The following ITPKB variants were observed in gnomAD, a reference collection of about 807,000 sequenced individuals.
ITPKB encodes inositol-trisphosphate 3-kinase B, also known as IP3 3-kinase B.
Under a neutral mutation model 69.4 loss-of-function variants are expected in ITPKB, and 13 were observed. That is an observed-to-expected ratio of 0.19 (90% confidence interval 0.12 to 0.30). ITPKB has a LOEUF of 0.30. Ranked by LOEUF, ITPKB falls within the 10% of genes least tolerant of loss-of-function variation. The pLI is 1.00. For missense variants in ITPKB, 1,240 were observed against 1,250.5 expected (o/e 0.99, Z 0.13); for synonymous variants, 584 against 513.7 (o/e 1.14, Z -1.85).
intron 2 of ITPKB, among the ~76,000 whole-genome samples, chr1:226,653,669 G>A (rs752819216): frequency 3.9e-5 from 6 of 152,236 alleles, no homozygotes; most frequent in Non-Finnish European, 7.3e-5. Context: ...GGAAAGGAAA[G>A]CACCACAACG....
chr1:226,642,633 G>C lies in ITPKB; in HGVS notation c.2247-508C>G, dbSNP rs1290011270. Among the ~76,000 whole-genome samples the C allele has an allele frequency of 6.6e-6, 1 of 152,070 alleles. No individual in the cohort carries two copies. Among genetic ancestry groups the C allele is most frequent in the Admixed American group, 6.5e-5 (1 of 15,272 alleles). On this transcript the variant is annotated intron_variant, in intron 4 of 7. Coordinates refer to ENST00000429204, the MANE Select transcript of ITPKB (RefSeq NM_002221.4). This position sits in a 1 kb window ranked among gnomAD's most constrained non-coding sequence, Gnocchi z 6.4. ...AAGGAAGACGGAGGCAGGGCAGCAG[G>C]GGGTGTCGGGGGTGGCTGGTCCTGA...
intron 2 of ITPKB, among the ~76,000 whole-genome samples, chr1:226,705,688 C>T (rs1207165691): frequency 6.6e-6 from 1 of 152,198 alleles, no homozygotes; most frequent in East Asian, 1.9e-4. Flanking sequence ...TGACTGCCTC[C>T]ACCCCATTCC....
intron 2 of ITPKB, among the ~76,000 whole-genome samples, chr1:226,699,684 G>A (rs1404022438): frequency 6.6e-6 from 1 of 151,836 alleles, no homozygotes; most frequent in Non-Finnish European, 1.5e-5. Flanking sequence ...CCCTTTCTGG[G>A]ATATTCTTCA....
chr1:226,659,906 G>C (rs1175592459), intron 2 of ITPKB, among the ~76,000 whole-genome samples: 2 of 152,204 alleles, frequency 1.3e-5, no homozygotes, highest in Non-Finnish European at 2.9e-5. Flanking sequence ...GCTGATAAGA[G>C]GACCCTGCGG....
At position 226,651,283 on chromosome 1, in the gene ITPKB, G is replaced by A. The variant is rs1274578416; in HGVS notation, c.1933-2512C>T. On this transcript the variant is annotated intron_variant, in intron 2 of 7. Transcript: ENST00000429204. ...TGAGCAGGCGAGGCCTCGGGAGAGC[G>A]TGGGGCGTTGAGGCAGGCCAACCTG... Among the ~76,000 whole-genome samples the A allele has an allele frequency of 2.6e-5, 4 of 152,248 alleles. No individual in the cohort carries two copies. In the East Asian group the frequency reaches 5.8e-4, roughly 22 times the overall value.
chr1:226,676,086 G>A (rs1346987208), intron 2 of ITPKB: 1 of 152,160 alleles, frequency 6.6e-6, no homozygotes, highest in Admixed American at 6.5e-5. Context: ...TTGCCTGCTT[G>A]GAGGCTCAGA....
chr1:226,697,952 T>A (rs1283325527), intron 2 of ITPKB, among the ~76,000 whole-genome samples: 1 of 152,052 alleles, frequency 6.6e-6, no homozygotes, highest in African/African-American at 2.4e-5. Flanking sequence ...GCCACTCAAC[T>A]CAGAGGCAGA....
At chr1:226,647,064 C>T (rs1669076876) in intron 4 of ITPKB, 103 bp downstream of exon 4, 2 of 983,580 alleles carry the variant, frequency 2.0e-6, no homozygotes, top group Middle Eastern at 2.1e-4. Flanking sequence ...TCAGCCTGCC[C>T]TTGCACCTGT....
In ITPKB at chr1:226,706,635, A is replaced by G. The variant is rs1397046415; in HGVS notation, c.1932+28892T>C. The stretch of plus-strand genomic sequence containing the variant: ...TTGGTCCAGCTCTTGGATTTCACAG[A>G]TAAGACCCAGAAAACTCAGTTGAGT... On this transcript the variant is annotated intron_variant, in intron 2 of 7. Coordinates refer to ENST00000429204, the MANE Select transcript of ITPKB (RefSeq NM_002221.4). Among the ~76,000 whole-genome samples, 3 of 152,342 alleles carry G rather than the reference A, an allele frequency of 2.0e-5. No homozygotes were observed. In the East Asian group the frequency reaches 5.8e-4, roughly 29 times the overall value.
intron 2 of ITPKB, among the ~76,000 whole-genome samples, chr1:226,684,606 A>G (rs1656159332): frequency 6.6e-6 from 1 of 151,582 alleles, no homozygotes; most frequent in South Asian, 2.1e-4. Context: ...TCCTTTCCAC[A>G]ATAGAGAACA....
In ITPKB at chr1:226,634,398, G is replaced by GA. The variant is rs763813438; in HGVS notation, c.*272dup. On this transcript the variant is annotated 3_prime_UTR_variant, in exon 8 of 8. Coordinates refer to ENST00000429204, the MANE Select transcript of ITPKB (RefSeq NM_002221.4). The surrounding 1 kb of genome is among the most constrained non-coding windows in gnomAD (Gnocchi z 6.3). ...TGGTAGGGTCCCCTCAGCAGCCAGG[G>GA]ACCCCCTCCAGCTCTACACCTGACC... is the stretch of plus-strand genomic sequence containing the variant. 5.9e-4 allele frequency: 262 copies of GA among 441,804 alleles called. No homozygotes were observed. Among genetic ancestry groups the GA allele is most frequent in the Non-Finnish European group, 8.8e-4 (214 of 243,840 alleles). The allele number at this position is 441,804 out of a possible 1,614,324, so 27.4% of individuals were successfully genotyped here.
At chr1:226,655,130 G>A (rs1332503042) in intron 2 of ITPKB, among the ~76,000 whole-genome samples, 1 of 151,308 alleles carries the variant, frequency 6.6e-6, no homozygotes, top group Non-Finnish European at 1.5e-5. Context: ...GGAGGGGAAG[G>A]AGAGACCCAG....
At chr1:226,729,388 G>A (rs1408943984) in intron 2 of ITPKB, among the ~76,000 whole-genome samples, 3 of 150,850 alleles carry the variant, frequency 2.0e-5, no homozygotes, top group Non-Finnish European at 3.0e-5. Context: ...AGGCTGAGGC[G>A]GGAGAATTGC....
intron 2 of ITPKB, among the ~76,000 whole-genome samples, chr1:226,730,812 G>C (rs779130131): frequency 1.3e-5 from 2 of 152,152 alleles, no homozygotes; most frequent in Non-Finnish European, 2.9e-5. Context: ...ATCTAATCTG[G>C]AACTGCATTT....
In ITPKB at chr1:226,648,786, AC is replaced by A; in HGVS notation, c.1933-16del. 1 of 1,525,158 alleles carries A rather than the reference AC, an allele frequency of 6.6e-7. No homozygotes were observed. The highest frequency in any genetic ancestry group is 9.1e-7 in the Non-Finnish European group (1 of 1,098,826). 94.5% of individuals were successfully genotyped at this position (1,525,158 alleles called of 1,614,324 possible). ...CATGATTTGCTCTAGAAACAAACAAACAAAAAGCTCTACATTAGAAAGACAA... is the reference window on the plus strand; with the variant it reads ...CATGATTTGCTCTAGAAACAAACAAAAAAAAGCTCTACATTAGAAAGACAA... On this transcript the variant is annotated splice_polypyrimidine_tract_variant and intron_variant, in intron 2 of 7. Transcript: ENST00000429204.
chr1:226,661,248 C>T (rs567071922), intron 2 of ITPKB, among the ~76,000 whole-genome samples: 57 of 152,290 alleles, frequency 3.7e-4, no homozygotes, highest in Admixed American at 3.7e-3. Flanking sequence ...GGAGCGCAGC[C>T]CATAGCATGC....
intron 2 of ITPKB, among the ~76,000 whole-genome samples, chr1:226,655,380 C>T (rs900725482): frequency 2.0e-5 from 3 of 152,034 alleles, no homozygotes; most frequent in Non-Finnish European, 2.9e-5. Context: ...GAGGAAATGG[C>T]CCCCGTTAGG....
intron 2 of ITPKB, among the ~76,000 whole-genome samples, chr1:226,728,062 T>C (rs1470496629): frequency 6.6e-6 from 1 of 152,222 alleles, no homozygotes; most frequent in Non-Finnish European, 1.5e-5. Flanking sequence ...GAGATGTTTT[T>C]CTACTTATTC....
chr1:226,684,372 A>C (rs1656154013), intron 2 of ITPKB, among the ~76,000 whole-genome samples: 1 of 152,218 alleles, frequency 6.6e-6, no homozygotes, highest in African/African-American at 2.4e-5. Flanking sequence ...CAGAGCAGTC[A>C]ACCTGTGCAC....
Sources: gnomAD v4.1 joint callset for allele counts (sites outside exome capture counted in the v4.1 genomes callset) on GRCh38, gnomAD v4.1.1 for gene constraint, Gnocchi (gnomAD v3.1) non-coding constraint, MANE v1.5 for transcripts, NCBI Gene and HGNC (gene_info 2026-07-23, HGNC 2026-07-21) for gene names.